The following RPS14 variants were observed in gnomAD, a reference collection of about 807,000 sequenced individuals.
RPS14 encodes the protein small ribosomal subunit protein uS11.
A neutral mutation model predicts 15.4 loss-of-function variants in RPS14; 1 was observed. The observed-to-expected ratio is 0.07, with a 90% CI of 0.02 to 0.31. The LOEUF (loss-of-function observed/expected upper bound fraction) is 0.31, where lower values mean the gene tolerates loss of function less well. Among genes scored for constraint, RPS14 ranks in the 10% least tolerant of loss-of-function variants. RPS14 has a pLI of 1.00. For synonymous variants in RPS14, 68 were observed against 74.4 expected, an observed-to-expected ratio of 0.91 and a Z score of 0.44; for missense variants, 69 against 205.5, an observed-to-expected ratio of 0.34 and a Z score of 4.06.
At position 150,446,099 on chromosome 5, in the gene RPS14, G is replaced by GA. The variant is rs35045371; in HGVS notation, c.312-415dup. Among the ~76,000 whole-genome samples the GA allele has an allele frequency of 3.1e-3, 448 of 144,420 alleles. 2 individuals are homozygous for GA. The highest frequency in any genetic ancestry group is 0.01 in the African/African-American group (407 of 38,886). 94.7% of individuals were successfully genotyped at this position (144,420 alleles called of 152,430 possible). A position where few individuals can be genotyped will look rare whatever the true frequency, so the allele number is the denominator to read the frequency against. On this transcript the variant is annotated intron_variant, in intron 3 of 4. Coordinates refer to ENST00000407193, the MANE Select transcript of RPS14 (RefSeq NM_005617.4). This position sits in a 1 kb window ranked among gnomAD's most constrained non-coding sequence, Gnocchi z 4.2. ...AGTGAGACCCTGTCTCAAAAAAGAGGAAAAAAAAAAAAGCCAGACAGTAAA... is the reference window on the plus strand; with the variant it reads ...AGTGAGACCCTGTCTCAAAAAAGAGGAAAAAAAAAAAAAGCCAGACAGTAAA...
intron 2 of RPS14, 48 bp downstream of exon 2, chr5:150,447,537 C>A (rs374970289): frequency 1.9e-5 from 30 of 1,600,072 alleles, no homozygotes; most frequent in Middle Eastern, 2.2e-4. Context: ...CAGCCATTGC[C>A]TTCCTCAGCC....
At chr5:150,447,510 G>A (rs543939853) in intron 2 of RPS14, 75 bp downstream of exon 2, 8 of 1,446,250 alleles carry the variant, frequency 5.5e-6, no homozygotes, top group Admixed American at 5.1e-5. Flanking sequence ...AGAATCCCCT[G>A]AACTGCTAGC....
Position 150,443,664 on chromosome 5 carries a change from G to C in RPS14, c.*622C>G, listed in dbSNP as rs796753275. 2.0e-5 allele frequency: 3 copies of C among 152,336 alleles called. No individual in the cohort carries two copies. The highest frequency in any genetic ancestry group is 7.2e-5 in the African/African-American group (3 of 41,542). 9.4% of individuals were successfully genotyped at this position (152,336 alleles called of 1,614,324 possible). A position where few individuals can be genotyped will look rare whatever the true frequency, so the allele number is the denominator to read the frequency against. On this transcript the variant is annotated 3_prime_UTR_variant, in exon 5 of 5. Coordinates refer to ENST00000407193, the MANE Select transcript of RPS14 (RefSeq NM_005617.4). Reference sequence around the variant, plus strand: ...TCACGGGGCCTTGTGGTAATCCCTTGCAAAACGCTGAGTACCATCTGGTGT... The same window carrying C: ...TCACGGGGCCTTGTGGTAATCCCTTCCAAAACGCTGAGTACCATCTGGTGT...
Position 150,446,864 on chromosome 5 carries a change from C to A in RPS14, c.249G>T (p.Gln83His). The stretch of plus-strand genomic sequence containing the variant: ...CGGTGATACCCAGCTCCTTGCACCT[C>A]TGGGCCACATCCTGGGCAGCCAACA... ...AAMLAAQDVA[Q>H]RCKELGITAL... The change falls in exon 3 of 5, where the codon CAG becomes CAT. Residue 83 changes from glutamine (Q) to histidine (H), a missense_variant. Coordinates refer to ENST00000407193, the MANE Select transcript of RPS14 (RefSeq NM_005617.4). The surrounding 1 kb of genome is among the most constrained non-coding windows in gnomAD (Gnocchi z 4.2). 1 of 1,614,204 alleles carries A rather than the reference C, an allele frequency of 6.2e-7. No homozygotes were observed. Among genetic ancestry groups the A allele is most frequent in the Non-Finnish European group, 8.5e-7 (1 of 1,180,034 alleles).
At position 150,442,751 on chromosome 5, in the gene RPS14, T is replaced by C. The variant is rs757950961; in HGVS notation, c.*1535A>G. The C allele has an allele frequency of 2.8e-4, 42 of 152,372 alleles. No individual in the cohort carries two copies. The highest frequency in any genetic ancestry group is 1.0e-3 in the African/African-American group (42 of 41,586). 9.4% of individuals were successfully genotyped at this position (152,372 alleles called of 1,614,324 possible). Reference sequence around the variant, plus strand: ...ATCTTGCTCTGTGACCCAGGCTGAATGTAGTGATGCAATCACAGCTCACTG... The same window carrying C: ...ATCTTGCTCTGTGACCCAGGCTGAACGTAGTGATGCAATCACAGCTCACTG... On this transcript the variant is annotated 3_prime_UTR_variant, in exon 5 of 5. Coordinates refer to ENST00000407193, the MANE Select transcript of RPS14 (RefSeq NM_005617.4).
At position 150,443,144 on chromosome 5, in the gene RPS14, TTA is replaced by T. The variant is rs1491468231; in HGVS notation, c.*1140_*1141del. On this transcript the variant is annotated 3_prime_UTR_variant, in exon 5 of 5. Transcript: ENST00000407193. ...ACTTTTAACAATTTAAGGAGTACTG[TTA>T]TATTTTTTTTGCAAGCTTTTTTTTT... 12 of 151,068 alleles carry T rather than the reference TTA, an allele frequency of 7.9e-5. No homozygotes were observed. Among genetic ancestry groups the T allele is most frequent in the African/African-American group, 2.9e-4 (12 of 40,780 alleles). The allele number at this position is 151,068 out of a possible 1,614,324, so 9.4% of individuals were successfully genotyped here.
chr5:150,447,399 G>T (rs2151201325), intron 2 of RPS14, 186 bp downstream of exon 2: 2 of 648,012 alleles, frequency 3.1e-6, no homozygotes, highest in Non-Finnish European at 5.5e-6. Flanking sequence ...TAAGGACGAA[G>T]AATGTGTCTC....
chr5:150,448,949 A>T (rs1581278986), intron 1 of RPS14: 1 of 152,366 alleles, frequency 6.6e-6, no homozygotes, highest in Non-Finnish European at 1.5e-5. Flanking sequence ...AGAAGCCCAA[A>T]GTTCTGCCTC....
Position 150,446,966 on chromosome 5 carries a change from G to A in RPS14, c.150-3C>T, listed in dbSNP as rs1256433375. ...CAGTCACACGGCAGATGGTTTCCCT[G>A]GGGACAAAAGCACAGGGTCATTTCT... On this transcript the variant is annotated splice_region_variant and splice_polypyrimidine_tract_variant and intron_variant, in intron 2 of 4. Transcript: ENST00000407193. This position sits in a 1 kb window ranked among gnomAD's most constrained non-coding sequence, Gnocchi z 4.2. 5 of 1,613,818 alleles carry A rather than the reference G, an allele frequency of 3.1e-6. No individual in the cohort carries two copies. The highest frequency in any genetic ancestry group is 1.6e-4 in the Middle Eastern group (1 of 6,084).
In RPS14 at chr5:150,444,093, C is replaced by T. The variant is rs1358949929; in HGVS notation, c.*193G>A. On this transcript the variant is annotated 3_prime_UTR_variant, in exon 5 of 5. Coordinates refer to ENST00000407193, the MANE Select transcript of RPS14 (RefSeq NM_005617.4). Reference sequence around the variant, plus strand: ...TTAGATGACCAAGGCAACTTAATGCCGCAAGTAGCATGGAAAAGACCCCAA... The same window carrying T: ...TTAGATGACCAAGGCAACTTAATGCTGCAAGTAGCATGGAAAAGACCCCAA... The T allele has an allele frequency of 7.7e-6, 6 of 774,308 alleles. No homozygotes were observed. The highest frequency in any genetic ancestry group is 4.2e-4 in the Middle Eastern group (1 of 2,404). The allele number at this position is 774,308 out of a possible 1,614,324, so 48.0% of individuals were successfully genotyped here. A position where few individuals can be genotyped will look rare whatever the true frequency, so the allele number is the denominator to read the frequency against.
intron 4 of RPS14, 22 bp from the exon 5 acceptor site, chr5:150,444,375 G>C: frequency 6.2e-7 from 1 of 1,601,940 alleles, no homozygotes; most frequent in East Asian, 2.2e-5. Context: ...AAGAGAAAGC[G>C]TCATTGCCTG....
At chr5:150,444,436 A>C (rs1309144564) in intron 4 of RPS14, 83 bp from the exon 5 acceptor site, 3 of 1,110,912 alleles carry the variant, frequency 2.7e-6, no homozygotes, top group Non-Finnish European at 2.7e-6. Context: ...GGCCTAACCA[A>C]TCAGCAACAG....
chr5:150,442,689 T>C lies in RPS14; in HGVS notation c.*1597A>G, dbSNP rs1770970489. ...TAACTCCAGACTTTATTCATATTTT[T>C]TAATTTATTATTTACTTATTTAGTT... On this transcript the variant is annotated 3_prime_UTR_variant, in exon 5 of 5. Transcript: ENST00000407193. 6.6e-6 allele frequency: 1 copy of C among 152,140 alleles called. No homozygotes were observed. The highest frequency in any genetic ancestry group is 1.5e-5 in the Non-Finnish European group (1 of 68,034). The allele number at this position is 152,140 out of a possible 1,614,324, so 9.4% of individuals were successfully genotyped here.
rs1771109999 is a variant in RPS14, at chr5:150,446,725, A to T, written c.311+77T>A. 4 of 1,514,738 alleles carry T rather than the reference A, an allele frequency of 2.6e-6. No homozygotes were observed. The African/African-American group carries it at 5.6e-5, about 21-fold the overall frequency. The allele number at this position is 1,514,738 out of a possible 1,614,324, so 93.8% of individuals were successfully genotyped here. ...GTTCAAGGTCACAACAAAAAACCCA[A>T]ACCTCAAATCCAGGTGCTCCAGCAC... On this transcript the variant is annotated intron_variant, in intron 3 of 4. Coordinates refer to ENST00000407193, the MANE Select transcript of RPS14 (RefSeq NM_005617.4). This position sits in a 1 kb window ranked among gnomAD's most constrained non-coding sequence, Gnocchi z 4.2.
chr5:150,444,077 C>T lies in RPS14; in HGVS notation c.*209G>A. On this transcript the variant is annotated 3_prime_UTR_variant, in exon 5 of 5. Coordinates refer to ENST00000407193, the MANE Select transcript of RPS14 (RefSeq NM_005617.4). Reference sequence around the variant, plus strand: ...AACGCCTTGGTCTGCTTTAGATGACCAAGGCAACTTAATGCCGCAAGTAGC... The same window carrying T: ...AACGCCTTGGTCTGCTTTAGATGACTAAGGCAACTTAATGCCGCAAGTAGC... 1 of 626,112 alleles carries T rather than the reference C, an allele frequency of 1.6e-6. No individual in the cohort carries two copies. Among genetic ancestry groups the T allele is most frequent in the African/African-American group, 1.9e-5 (1 of 53,424 alleles). The allele number at this position is 626,112 out of a possible 1,614,324, so 38.8% of individuals were successfully genotyped here.
At position 150,446,163 on chromosome 5, in the gene RPS14, G is replaced by A. The variant is rs1771088980; in HGVS notation, c.312-478C>T. The stretch of plus-strand genomic sequence containing the variant: ...GGGGGCCACTATGGTTTGTTGTTAT[G>A]TTCTGACCACTGTCTGGCTTGTTCA... On this transcript the variant is annotated intron_variant, in intron 3 of 4. Transcript: ENST00000407193. This position sits in a 1 kb window ranked among gnomAD's most constrained non-coding sequence, Gnocchi z 4.2. Among the ~76,000 whole-genome samples the A allele has an allele frequency of 1.3e-5, 2 of 151,814 alleles. No homozygotes were observed. Among genetic ancestry groups the A allele is most frequent in the South Asian group, 4.1e-4 (2 of 4,824 alleles).
chr5:150,446,071 G>A lies in RPS14; in HGVS notation c.312-386C>T, dbSNP rs933836551. On this transcript the variant is annotated intron_variant, in intron 3 of 4. Coordinates refer to ENST00000407193, the MANE Select transcript of RPS14 (RefSeq NM_005617.4). The surrounding 1 kb of genome is among the most constrained non-coding windows in gnomAD (Gnocchi z 4.2). ...AGCGCCACTGCACTCCAGCCTGGGT[G>A]AGAGTGAGACCCTGTCTCAAAAAAG... 6.6e-6 allele frequency among the ~76,000 whole-genome samples: 1 copy of A among 151,722 alleles called. No homozygotes were observed. Among genetic ancestry groups the A allele is most frequent in the Admixed American group, 6.6e-5 (1 of 15,212 alleles).
At chr5:150,445,076 C>T (rs929243021) in intron 4 of RPS14, among the ~76,000 whole-genome samples, 3 of 152,130 alleles carry the variant, frequency 2.0e-5, no homozygotes, top group African/African-American at 7.2e-5. Flanking sequence ...TGGCCTGGGG[C>T]GTCAGTGTAT....
chr5:150,445,360 G>C, intron 4 of RPS14: 1 of 649,044 alleles, frequency 1.5e-6, no homozygotes, highest in Non-Finnish European at 2.8e-6. Context: ...TTCATCTCTT[G>C]TCAGTTTTAC....
Sources: allele counts gnomAD v4.1 joint callset (sites outside exome capture counted in the v4.1 genomes callset), GRCh38; gene constraint gnomAD v4.1.1; non-coding constraint Gnocchi (gnomAD v3.1); transcripts MANE v1.5; gene names NCBI Gene and HGNC (gene_info 2026-07-23, HGNC 2026-07-21).